Variants in RBFOX1 observed in about 807,000 individuals in gnomAD.
RBFOX1 encodes RNA binding protein fox-1 homolog 1.
Under a neutral mutation model 57.7 loss-of-function variants are expected in RBFOX1, and 8 were observed. That is an observed-to-expected ratio of 0.14 (90% confidence interval 0.08 to 0.25). The LOEUF (loss-of-function observed/expected upper bound fraction) is 0.25, where lower values mean the gene tolerates loss of function less well. Ranked by LOEUF, RBFOX1 falls within the 10% of genes least tolerant of loss-of-function variation. RBFOX1 has a pLI of 1.00. For missense variants in RBFOX1, 611 were observed against 548.5 expected (o/e 1.11, Z -1.14); for synonymous variants, 326 against 222.4 (o/e 1.47, Z -4.15).
intron 3 of RBFOX1, among the ~76,000 whole-genome samples, chr16:6,689,121 A>C (rs755631031): frequency 5.3e-5 from 8 of 152,214 alleles, no homozygotes; most frequent in African/African-American, 9.6e-5. Context: ...TCTTTATAGC[A>C]GAATGATTTA....
At chr16:6,274,941 G>A (rs1237793720) in intron 1 of RBFOX1, among the ~76,000 whole-genome samples, 1 of 152,120 alleles carries the variant, frequency 6.6e-6, no homozygotes, top group Non-Finnish European at 1.5e-5. Flanking sequence ...AAGCATTCTG[G>A]ACAACAGAGT....
At chr16:6,879,663 T>C (rs1252126062) in intron 3 of RBFOX1, among the ~76,000 whole-genome samples, 6 of 152,220 alleles carry the variant, frequency 3.9e-5, no homozygotes, top group African/African-American at 1.2e-4. Context: ...AGTTGTGTTA[T>C]TTCAGTTAAC....
intron 2 of RBFOX1, among the ~76,000 whole-genome samples, chr16:6,649,371 G>A (rs1167787965): frequency 1.3e-5 from 2 of 151,984 alleles, no homozygotes; most frequent in Non-Finnish European, 2.9e-5. Context: ...TTTGCTTTTT[G>A]TTTTATTTCA....
At chr16:5,497,748 C>G (rs1295086497) in intron 2 of RBFOX1, among the ~76,000 whole-genome samples, 1 of 152,084 alleles carries the variant, frequency 6.6e-6, no homozygotes, top group African/African-American at 2.4e-5. Context: ...TGCTCCACAG[C>G]ACTCCAGCCT....
intron 3 of RBFOX1, among the ~76,000 whole-genome samples, chr16:6,720,473 C>T (rs141804700): frequency 8.9e-4 from 135 of 152,246 alleles, no homozygotes; most frequent in African/African-American, 3.2e-3. Context: ...TGGACTCATA[C>T]ACGACCTATG....
chr16:6,288,012 A>G (rs1280099097), intron 1 of RBFOX1, among the ~76,000 whole-genome samples: 1 of 152,140 alleles, frequency 6.6e-6, no homozygotes, highest in Non-Finnish European at 1.5e-5. Context: ...TTTTCTGTCT[A>G]TAAACAAGCA....
chr16:6,427,603 G>A (rs979796155), intron 2 of RBFOX1, among the ~76,000 whole-genome samples: 8 of 152,174 alleles, frequency 5.3e-5, no homozygotes, highest in African/African-American at 1.9e-4. Context: ...GAGTAAAAAT[G>A]TTGAGGAGGA....
At chr16:6,761,656 G>A (rs981501896) in intron 3 of RBFOX1, among the ~76,000 whole-genome samples, 4 of 151,466 alleles carry the variant, frequency 2.6e-5, no homozygotes, top group African/African-American at 7.3e-5. Flanking sequence ...ACAGGTGCTC[G>A]CCACCATGCC....
At chr16:7,128,670 C>A (rs77657430) in intron 4 of RBFOX1, among the ~76,000 whole-genome samples, 1 of 152,042 alleles carries the variant, frequency 6.6e-6, no homozygotes, top group Admixed American at 6.5e-5. Context: ...TGTTACAAGT[C>A]CAGTTTGGAT....
chr16:6,011,885 G>T (rs1276879068), intron 4 of RBFOX1, among the ~76,000 whole-genome samples: 1 of 152,194 alleles, frequency 6.6e-6, no homozygotes, highest in Admixed American at 6.5e-5. Context: ...GAGGTAAAAT[G>T]GTGTTGGCTG....
chr16:5,422,907 AAAG>A (rs1164018457), intron 1 of RBFOX1, among the ~76,000 whole-genome samples: 2 of 106,534 alleles, frequency 1.9e-5, no homozygotes, highest in South Asian at 4.3e-4. Flanking sequence ...GGAGGGGAGG[AAAG>A]AGGAGGAGGG....
intron 3 of RBFOX1, among the ~76,000 whole-genome samples, chr16:6,670,591 G>A (rs1465055869): frequency 2.0e-5 from 3 of 152,176 alleles, no homozygotes; most frequent in Non-Finnish European, 4.4e-5. Context: ...ATAGTGGTAT[G>A]AAAATGCAAA....
At chr16:6,927,716 C>G (rs933841907) in intron 3 of RBFOX1, among the ~76,000 whole-genome samples, 2 of 138,186 alleles carry the variant, frequency 1.4e-5, no homozygotes, top group African/African-American at 3.0e-5. Context: ...TGTAGCAAGG[C>G]TGATTATAAG....
rs143517193 is a variant in RBFOX1, at chr16:7,403,913, T to TTATA, written c.28-114223_28-114220dup. 1.2e-3 allele frequency among the ~76,000 whole-genome samples: 175 copies of TTATA among 149,646 alleles called. 2 individuals carry two copies. The East Asian group carries it at 0.024, about 21-fold the overall frequency. On this transcript the variant is annotated intron_variant, in intron 4 of 15. Transcript: ENST00000550418. ...TAAATTTTAATTAAATATTATTCTT[T>TTATA]TATATATATATATAACCTTTTTAAT...
intron 1 of RBFOX1, among the ~76,000 whole-genome samples, chr16:6,205,842 A>T (rs1243187049): frequency 6.9e-6 from 1 of 145,700 alleles, no homozygotes; most frequent in South Asian, 2.2e-4. Context: ...TTCCCTTTGA[A>T]CAAGAGCCTA....
chr16:7,690,298 C>T (rs55658642), intron 14 of RBFOX1, among the ~76,000 whole-genome samples: 26,709 of 152,040 alleles, frequency 0.18, 2,892 homozygotes, highest in South Asian at 0.32. Flanking sequence ...GATTTTCAAA[C>T]GAAGAACGTT....
At chr16:7,090,375 G>T (rs1460837138) in intron 4 of RBFOX1, among the ~76,000 whole-genome samples, 2 of 152,142 alleles carry the variant, frequency 1.3e-5, no homozygotes, top group Non-Finnish European at 2.9e-5. Context: ...GGGGGGAGGT[G>T]TGGGGTAGAT....
intron 3 of RBFOX1, among the ~76,000 whole-genome samples, chr16:5,741,915 G>C (rs9989363): frequency 0.02 from 3,087 of 152,276 alleles, 107 homozygotes; most frequent in African/African-American, 0.069. Flanking sequence ...ACTGCATATG[G>C]TAGTTCCAGT....
rs183875585 is a variant in RBFOX1, at chr16:7,129,245, G to C, written c.27+77147G>C. On this transcript the variant is annotated intron_variant, in intron 4 of 15. Transcript: ENST00000550418. ...ATATAGTTTTTATTGATTCGGCTTG[G>C]ATAGTAACCCCACAATTGAACCAAT... Among the ~76,000 whole-genome samples the C allele has an allele frequency of 4.3e-3, 653 of 152,152 alleles. 2 individuals are homozygous for C. Among genetic ancestry groups the C allele is most frequent in the Non-Finnish European group, 6.5e-3 (441 of 68,006 alleles).
Sources: allele counts gnomAD v4.1 joint callset (sites outside exome capture counted in the v4.1 genomes callset), GRCh38; gene constraint gnomAD v4.1.1; transcripts MANE v1.5; gene names NCBI Gene and HGNC (gene_info 2026-07-23, HGNC 2026-07-21).